NEDD4L: variants seen among roughly 807,000 people sequenced by gnomAD.
The protein encoded by NEDD4L is E3 ubiquitin-protein ligase NEDD4-like.
NEDD4L carries 54 observed loss-of-function variants against 148.9 expected under a neutral mutation model. The observed-to-expected ratio is 0.36, with a 90% CI of 0.29 to 0.45. The LOEUF (loss-of-function observed/expected upper bound fraction) is 0.45. NEDD4L is among the 20% of genes least tolerant of loss of function. The pLI, the probability that NEDD4L is intolerant of heterozygous loss-of-function variation, is 1.00. For missense variants in NEDD4L, 856 were observed against 1,233.8 expected, an observed-to-expected ratio of 0.69 and a Z score of 4.59; for synonymous variants, 433 against 440.7, an observed-to-expected ratio of 0.98 and a Z score of 0.22.
At chr18:58,116,875 GGGCTT>G (rs755054500) in intron 1 of NEDD4L, among the ~76,000 whole-genome samples, 4 of 152,242 alleles carry the variant, frequency 2.6e-5, no homozygotes, top group Non-Finnish European at 4.4e-5. Context: ...CAAGGAGCGG[GGGCTT>G]GGCTTGGCAC....
At position 58,367,779 on chromosome 18, in the gene NEDD4L, A is replaced by G. The variant is rs766056013; in HGVS notation, c.2097A>G (p.Ser699=). The G allele has an allele frequency of 6.2e-7, 1 of 1,613,652 alleles. No homozygotes were observed. Among genetic ancestry groups the G allele is most frequent in the Non-Finnish European group, 8.5e-7 (1 of 1,179,576 alleles). The stretch of plus-strand genomic sequence containing the variant: ...ACACCCTTCAGATCAACCCTAATTC[A>G]GGCCTCTGTAATGAGGATCATTTGT... ...DNYTLQINPN[S]GLCNEDHLSY... is the part of the protein sequence containing the mutation. The change falls in exon 22 of 31, where the codon TCA becomes TCG. Residue 699 remains serine, a synonymous_variant. Coordinates refer to ENST00000400345, the MANE Select transcript of NEDD4L (RefSeq NM_001144967.3).
chr18:58,324,795 T>G (rs1018563928), intron 8 of NEDD4L, among the ~76,000 whole-genome samples: 2 of 152,118 alleles, frequency 1.3e-5, no homozygotes, highest in Admixed American at 1.3e-4. Flanking sequence ...ACTCAGAAGA[T>G]TTTTGAGGCC....
At chr18:58,237,394 AAAAG>A (rs1260604393) in intron 2 of NEDD4L, among the ~76,000 whole-genome samples, 2 of 152,228 alleles carry the variant, frequency 1.3e-5, no homozygotes, top group African/African-American at 4.8e-5. Flanking sequence ...TTAATAACAT[AAAAG>A]AAAGAGCTGT....
intron 1 of NEDD4L, among the ~76,000 whole-genome samples, chr18:58,149,920 A>C (rs941884405): frequency 6.6e-6 from 1 of 152,184 alleles, no homozygotes; most frequent in African/African-American, 2.4e-5. Flanking sequence ...CTCTTACACT[A>C]TATAGTGAGA....
chr18:58,087,971 A>G (rs2083849932), intron 1 of NEDD4L, among the ~76,000 whole-genome samples: 1 of 152,244 alleles, frequency 6.6e-6, no homozygotes, highest in Admixed American at 6.5e-5. Context: ...AGTATGTCTC[A>G]GGGTTTCCTG....
chr18:58,077,816 CAG>C (rs1817043624), intron 1 of NEDD4L, among the ~76,000 whole-genome samples: 1 of 152,116 alleles, frequency 6.6e-6, no homozygotes, highest in Non-Finnish European at 1.5e-5. Context: ...TTGTTTAAAA[CAG>C]TGGTTCTCAA....
intron 5 of NEDD4L, among the ~76,000 whole-genome samples, chr18:58,290,997 G>A (rs1943326069): frequency 6.6e-6 from 1 of 151,686 alleles, no homozygotes; most frequent in Non-Finnish European, 1.5e-5. Context: ...GTCACACAGA[G>A]AACCAGGCCG....
chr18:58,176,208 CCT>C lies in NEDD4L; in HGVS notation c.122+10348_122+10349del, dbSNP rs758210223. On this transcript the variant is annotated intron_variant, in intron 2 of 30. Transcript: ENST00000400345. ...CTTTCTTTCTCTCTCTCACTCTCCCCCTGTCTCCCTCCCTCTTCCTCTCTGTC... is the reference window on the plus strand; with the variant it reads ...CTTTCTTTCTCTCTCTCACTCTCCCCGTCTCCCTCCCTCTTCCTCTCTGTC... Among the ~76,000 whole-genome samples, 93 of 152,190 alleles carry C rather than the reference CCT, an allele frequency of 6.1e-4. 1 individual carries two copies. The highest frequency in any genetic ancestry group is 1.2e-3 in the South Asian group (6 of 4,810).
intron 5 of NEDD4L, among the ~76,000 whole-genome samples, chr18:58,286,440 C>A (rs754350472): frequency 6.6e-6 from 1 of 152,130 alleles, no homozygotes; most frequent in Non-Finnish European, 1.5e-5. Flanking sequence ...CTGCCATGTT[C>A]TTTTCAATTT....
intron 1 of NEDD4L, among the ~76,000 whole-genome samples, chr18:58,067,590 A>C (rs1252867784): frequency 3.3e-5 from 5 of 152,206 alleles, no homozygotes; most frequent in Non-Finnish European, 7.3e-5. Flanking sequence ...ATTGGGTCTC[A>C]AAACTGAGAA....
chr18:58,395,922 G>A (rs1258512714), intron 30 of NEDD4L, among the ~76,000 whole-genome samples: 2 of 152,132 alleles, frequency 1.3e-5, no homozygotes, highest in African/African-American at 2.4e-5. Context: ...GGATTCCTCC[G>A]AGATCTGCAT....
chr18:58,106,413 C>T (rs1002146235), intron 1 of NEDD4L, among the ~76,000 whole-genome samples: 1 of 152,216 alleles, frequency 6.6e-6, no homozygotes, highest in African/African-American at 2.4e-5. Context: ...AGCTGCAGCT[C>T]CTGGGGAGCT....
chr18:58,321,539 A>C (rs1259845661), intron 6 of NEDD4L, among the ~76,000 whole-genome samples: 1 of 152,236 alleles, frequency 6.6e-6, no homozygotes, highest in Non-Finnish European at 1.5e-5. Flanking sequence ...TCAGTTTATT[A>C]TGAGAGGAGT....
intron 2 of NEDD4L, among the ~76,000 whole-genome samples, chr18:58,192,321 G>T (rs2040205506): frequency 6.6e-6 from 1 of 152,286 alleles, no homozygotes; most frequent in African/African-American, 2.4e-5. Flanking sequence ...ATGATTTCTT[G>T]GTTCTGAGGC....
chr18:58,353,644 C>A (rs2044209135), intron 18 of NEDD4L, among the ~76,000 whole-genome samples: 2 of 152,252 alleles, frequency 1.3e-5, no homozygotes, highest in Admixed American at 6.5e-5. Flanking sequence ...GAATACCTAT[C>A]TTTTGAAGAG....
Position 58,383,267 on chromosome 18 carries a change from C to A in NEDD4L, c.2374C>A (p.Pro792Thr), listed in dbSNP as rs1375665998. ...FGQTYQVDLK[P>T]NGSEIMVTNE... ...ACAGACATATCAAGTGGATTTGAAG[C>A]CCAATGGGTCAGAAATAATGGTCAC... is the stretch of plus-strand genomic sequence containing the variant. Residue 792 changes from proline to threonine, a missense_variant, in exon 25 of 31, where the codon CCC (proline) becomes ACC (threonine). Physicochemically the swap from Pro to Thr is conservative, Grantham distance 38. This residue lies in a region of NEDD4L where 286 missense variants were observed against 531.8 expected (regional missense o/e 0.54). Coordinates refer to ENST00000400345, the MANE Select transcript of NEDD4L (RefSeq NM_001144967.3). 1.3e-6 allele frequency: 2 copies of A among 1,539,304 alleles called. No individual in the cohort carries two copies. Among genetic ancestry groups the A allele is most frequent in the South Asian group, 2.4e-5 (2 of 83,748 alleles).
intron 5 of NEDD4L, among the ~76,000 whole-genome samples, chr18:58,268,840 G>A (rs574717902): frequency 6.6e-6 from 1 of 152,170 alleles, no homozygotes; most frequent in Non-Finnish European, 1.5e-5. Context: ...TTCTGTGTTT[G>A]AGGGAGGAGA....
At chr18:58,280,194 G>A (rs989709096) in intron 5 of NEDD4L, among the ~76,000 whole-genome samples, 1 of 152,116 alleles carries the variant, frequency 6.6e-6, no homozygotes, top group East Asian at 1.9e-4. Flanking sequence ...TGGCTGCATC[G>A]CTTTTAAAGG....
At chr18:58,347,070 A>G (rs1236024316) in intron 16 of NEDD4L, among the ~76,000 whole-genome samples, 6 of 151,926 alleles carry the variant, frequency 3.9e-5, no homozygotes, top group Admixed American at 1.3e-4. Context: ...TGGCCCTCAC[A>G]GTCTATGAAG....
Sources: allele counts gnomAD v4.1 joint callset (sites outside exome capture counted in the v4.1 genomes callset), GRCh38; gene constraint gnomAD v4.1.1; regional missense constraint gnomAD v4.1.1; transcripts MANE v1.5; gene names NCBI Gene and HGNC (gene_info 2026-07-23, HGNC 2026-07-21).